The following HIP1 variants were observed in gnomAD, a reference collection of about 807,000 sequenced individuals.
HIP1 encodes huntingtin-interacting protein 1.
In HIP1, 65 loss-of-function variants were observed where a neutral mutation model predicts 147.6. The ratio of observed to expected loss-of-function variants is 0.44; its 90% CI spans 0.36 to 0.54. HIP1 has a LOEUF of 0.54. Among genes scored for constraint, HIP1 ranks in the 20% least tolerant of loss-of-function variants. The pLI is 0.00. For missense variants in HIP1, 1,061 were observed against 1,299.6 expected (o/e 0.82, Z 2.82); for synonymous variants, 479 against 504.0 (o/e 0.95, Z 0.67).
At chr7:75,699,015 T>A (rs1229809747) in intron 1 of HIP1, among the ~76,000 whole-genome samples, 1 of 152,132 alleles carries the variant, frequency 6.6e-6, no homozygotes, top group African/African-American at 2.4e-5. Flanking sequence ...CCTTTCACTT[T>A]TTTTTTCTGG....
At chr7:75,649,583 A>C (rs1451133282) in intron 1 of HIP1, among the ~76,000 whole-genome samples, 1 of 152,154 alleles carries the variant, frequency 6.6e-6, no homozygotes, top group African/African-American at 2.4e-5. Context: ...TTACCTGGGA[A>C]GCCTGGGCCC....
At chr7:75,538,354 C>T in intron 30 of HIP1, 130 bp from the exon 31 acceptor site, 1 of 755,780 alleles carries the variant, frequency 1.3e-6, no homozygotes, top group Non-Finnish European at 2.4e-6. Flanking sequence ...CACATAGTCC[C>T]CAAGTTTCGT....
intron 1 of HIP1, among the ~76,000 whole-genome samples, chr7:75,658,760 A>T (rs75540867): frequency 4.0e-5 from 6 of 148,972 alleles, no homozygotes; most frequent in African/African-American, 1.2e-4. Flanking sequence ...AGAAAAGATT[A>T]AAAAAAAAAT....
rs1187262935 is a variant in HIP1, at chr7:75,555,656, A to G, written c.1828-105T>C. On this transcript the variant is annotated intron_variant, in intron 18 of 30. Coordinates refer to ENST00000336926, the MANE Select transcript of HIP1 (RefSeq NM_005338.7). ...AGCATCTTAGCTCAAGTCATGGCCA[A>G]TGAGGTCCAAGCCAGTAAGCCTGAG... 2.8e-5 allele frequency: 35 copies of G among 1,247,642 alleles called. No homozygotes were observed. In the Admixed American group the frequency reaches 2.8e-4, roughly 10 times the overall value. The allele number at this position is 1,247,642 out of a possible 1,614,324, so 77.3% of individuals were successfully genotyped here.
chr7:75,573,329 C>T (rs973333887), intron 8 of HIP1, among the ~76,000 whole-genome samples: 1 of 152,200 alleles, frequency 6.6e-6, no homozygotes, highest in African/African-American at 2.4e-5. Context: ...GAACACTCGA[C>T]AGGACAACCT....
At chr7:75,581,409 G>A (rs781949485) in intron 6 of HIP1, 111 bp from the exon 7 acceptor site, 24 of 735,074 alleles carry the variant, frequency 3.3e-5, no homozygotes, top group Non-Finnish European at 5.7e-5. Flanking sequence ...ATGTGCATGC[G>A]CAAACACACA....
intron 1 of HIP1, among the ~76,000 whole-genome samples, chr7:75,704,262 T>G (rs1800923438): frequency 6.6e-6 from 1 of 152,230 alleles, no homozygotes; most frequent in Non-Finnish European, 1.5e-5. Context: ...TATTTATTTT[T>G]GAGACAGAGT....
At chr7:75,634,466 C>A (rs185028669) in intron 1 of HIP1, among the ~76,000 whole-genome samples, 1 of 152,182 alleles carries the variant, frequency 6.6e-6, no homozygotes, top group African/African-American at 2.4e-5. Context: ...TTTATTATAT[C>A]GCTATAGCGC....
At chr7:75,585,510 C>A (rs782088613) in intron 5 of HIP1, among the ~76,000 whole-genome samples, 3 of 151,892 alleles carry the variant, frequency 2.0e-5, no homozygotes, top group African/African-American at 7.3e-5. Flanking sequence ...CACCTTTCCC[C>A]GCCTCCTCAT....
In HIP1 at chr7:75,665,043, G is replaced by A. The variant is rs57745317; in HGVS notation, c.121-65796C>T. On this transcript the variant is annotated intron_variant, in intron 1 of 30. Transcript: ENST00000336926. ...AATCCTAGCTCTTTGGGAGGCCAAG[G>A]TGTTCGAAACCAGCCTGGGAAATAT... Among the ~76,000 whole-genome samples the A allele has an allele frequency of 8.2e-3, 1,250 of 152,238 alleles. 12 individuals are homozygous for A. Among genetic ancestry groups the A allele is most frequent in the African/African-American group, 0.028 (1,175 of 41,536 alleles).
intron 2 of HIP1, among the ~76,000 whole-genome samples, chr7:75,595,565 A>T (rs1290819156): frequency 6.6e-6 from 1 of 151,880 alleles, no homozygotes; most frequent in African/African-American, 2.4e-5. Flanking sequence ...GCTGGTCTCG[A>T]ACTCCTGGCC....
chr7:75,604,746 T>C (rs587728838), intron 1 of HIP1, among the ~76,000 whole-genome samples: 5 of 152,194 alleles, frequency 3.3e-5, no homozygotes, highest in Non-Finnish European at 7.4e-5. Flanking sequence ...TCAGGGCCTC[T>C]AGGGAGGACC....
At chr7:75,684,788 T>C (rs1469850207) in intron 1 of HIP1, among the ~76,000 whole-genome samples, 1 of 152,112 alleles carries the variant, frequency 6.6e-6, no homozygotes, top group Non-Finnish European at 1.5e-5. Flanking sequence ...GCTCAAAGCA[T>C]GCACATTTAA....
intron 1 of HIP1, among the ~76,000 whole-genome samples, chr7:75,605,112 A>G (rs377313317): frequency 6.6e-6 from 1 of 152,140 alleles, no homozygotes; most frequent in South Asian, 2.1e-4. Context: ...CACTTCTGTC[A>G]TATATGCCTC....
rs879953676 is a variant in HIP1 at position 75,696,646 on chromosome 7, G to T, written c.120+42155C>A. Among the ~76,000 whole-genome samples the T allele has an allele frequency of 3.0e-4, 44 of 146,132 alleles. 1 individual carries two copies. The Admixed American group carries it at 3.1e-3, about 10-fold the overall frequency. On this transcript the variant is annotated intron_variant, in intron 1 of 30. Transcript: ENST00000336926. ...GACAGGGTCTCACTCTGTTGCCCAT[G>T]CCAGAGTGCAGTGGTATGATCTTGG...
At chr7:75,690,313 T>G (rs1800404624) in intron 1 of HIP1, among the ~76,000 whole-genome samples, 1 of 151,920 alleles carries the variant, frequency 6.6e-6, no homozygotes, top group Non-Finnish European at 1.5e-5. Flanking sequence ...AGGACTTGAA[T>G]AGTCATTTCT....
intron 1 of HIP1, among the ~76,000 whole-genome samples, chr7:75,704,526 G>A (rs898364220): frequency 5.3e-5 from 8 of 151,880 alleles, no homozygotes; most frequent in Non-Finnish European, 7.4e-5. Flanking sequence ...TTACAGGCAT[G>A]AGCCACTGCA....
At chr7:75,602,628 G>A (rs1554503209) in intron 1 of HIP1, among the ~76,000 whole-genome samples, 3 of 147,574 alleles carry the variant, frequency 2.0e-5, no homozygotes, top group South Asian at 2.2e-4. Context: ...TCAGCCTCCC[G>A]AGTAGCTGGG....
At chr7:75,698,644 C>T (rs1299320191) in intron 1 of HIP1, among the ~76,000 whole-genome samples, 2 of 151,796 alleles carry the variant, frequency 1.3e-5, no homozygotes, top group Admixed American at 1.3e-4. Context: ...ATAGCAAGAC[C>T]CCAACTCTAA....
Sources: gnomAD v4.1 joint callset for allele counts (sites outside exome capture counted in the v4.1 genomes callset) on GRCh38, gnomAD v4.1.1 for gene constraint, MANE v1.5 for transcripts, NCBI Gene and HGNC (gene_info 2026-07-23, HGNC 2026-07-21) for gene names.